Variants in APEH observed in about 807,000 individuals in gnomAD.
APEH encodes the protein acylaminoacyl-peptide hydrolase.
APEH carries 75 observed loss-of-function variants against 102.7 expected under a neutral mutation model. The ratio of observed to expected loss-of-function variants is 0.73; its 90% CI spans 0.61 to 0.89. The LOEUF (loss-of-function observed/expected upper bound fraction) is 0.89. Among genes scored for constraint, APEH ranks in the 40% least tolerant of loss-of-function variants. The pLI is 0.00. For missense variants in APEH, 863 were observed against 941.2 expected (o/e 0.92, Z 1.09); for synonymous variants, 344 against 362.7 (o/e 0.95, Z 0.59).
chr3:49,675,141 G>A (rs757061593), intron 2 of APEH, 42 bp from the exon 3 acceptor site: 2 of 1,612,486 alleles, frequency 1.2e-6, no homozygotes, highest in Non-Finnish European at 1.7e-6. Flanking sequence ...GTAGCCAGGA[G>A]TAGCCAAGAC....
rs1191851878 is a variant in APEH at position 49,674,631 on chromosome 3, C to T, written c.145+10C>T. On this transcript the variant is annotated intron_variant, in intron 2 of 21. Transcript: ENST00000296456. ...CGGACGGTGCACACTGGTGTGTGTG[C>T]GAAGGGGAACTGGCTGGCGACGGGG... 1 of 1,586,808 alleles carries T rather than the reference C, an allele frequency of 6.3e-7. No homozygotes were observed. The highest frequency in any genetic ancestry group is 8.5e-7 in the Non-Finnish European group (1 of 1,175,866).
chr3:49,677,079 G>A (rs2053094607), intron 10 of APEH, 55 bp downstream of exon 10: 2 of 1,610,308 alleles, frequency 1.2e-6, no homozygotes, highest in Non-Finnish European at 1.7e-6. Flanking sequence ...TGGGATGGTG[G>A]ATGAGAGCTG....
At position 49,675,929 on chromosome 3, in the gene APEH, G is replaced by T. The variant is rs1456407015; in HGVS notation, c.405G>T (p.Leu135=). The T allele has an allele frequency of 6.2e-7, 1 of 1,614,192 alleles. No homozygotes were observed. The highest frequency in any genetic ancestry group is 1.1e-5 in the South Asian group (1 of 91,082). ...ACCGGAAGCTCAAGAGCTTCAACCT[G>T]TCAGCGCTGGAGAAACATGGGCCTG... ...EKNRKLKSFN[L]SALEKHGPVY... The change falls in exon 5 of 22, where the codon CTG becomes CTT. Residue 135 remains leucine (L), a synonymous_variant. Transcript: ENST00000296456.
At chr3:49,674,797 G>T (rs1371945985) in intron 2 of APEH, among the ~76,000 whole-genome samples, 176 bp downstream of exon 2, 1 of 152,154 alleles carries the variant, frequency 6.6e-6, no homozygotes, top group Non-Finnish European at 1.5e-5. Flanking sequence ...GGGGGAGGGG[G>T]CGTGCGGGGC....
chr3:49,676,336 G>GT (rs2053051203), intron 6 of APEH, 42 bp from the exon 7 acceptor site: 6 of 1,613,756 alleles, frequency 3.7e-6, no homozygotes, highest in Non-Finnish European at 5.1e-6. Context: ...AGCAGAGCAG[G>GT]TCCTATAGAC....
chr3:49,682,155 A>T (rs1406256262), intron 17 of APEH, among the ~76,000 whole-genome samples, 188 bp downstream of exon 17: 1 of 152,214 alleles, frequency 6.6e-6, no homozygotes, highest in Non-Finnish European at 1.5e-5. Context: ...ACAAGGACTA[A>T]CTCGGGACTT....
At position 49,681,919 on chromosome 3, in the gene APEH, A is replaced by G. The variant is rs1444554186; in HGVS notation, c.1555A>G (p.Met519Val). The G allele has an allele frequency of 6.2e-7, 1 of 1,614,146 alleles. No individual in the cohort carries two copies. The highest frequency in any genetic ancestry group is 2.2e-5 in the East Asian group (1 of 44,868). The change falls in exon 17 of 22, where the codon ATG becomes GTG. Residue 519 changes from methionine (M) to valine (V), a missense_variant. Transcript: ENST00000296456. ...CCATTCATCCTTTGTCACTGCCTGG[A>G]TGCTGTTCCCAGCCATGCTTTGCAA... ...GPHSSFVTAWMLFPAMLCKMG... is the reference protein window; with the variant it reads ...GPHSSFVTAWVLFPAMLCKMG...
intron 14 of APEH, 135 bp downstream of exon 14, chr3:49,680,764 C>T (rs2053282029): frequency 1.2e-6 from 1 of 820,516 alleles, no homozygotes; most frequent in Non-Finnish European, 2.0e-6. Context: ...CCCAGCTTGG[C>T]ATGGTCCATG....
At chr3:49,674,348 C>T (rs1462924786), upstream of APEH, 9 of 1,535,894 alleles carry the variant, frequency 5.9e-6, no homozygotes, top group Middle Eastern at 2.2e-4. Flanking sequence ...CCCCGGAAGC[C>T]TCACTTCCGG....
chr3:49,677,702 C>T (rs2053130937), intron 11 of APEH, 69 bp downstream of exon 11: 5 of 1,432,460 alleles, frequency 3.5e-6, no homozygotes, highest in Non-Finnish European at 4.9e-6. Context: ...CTGTTGCATC[C>T]CTGCCCCGTT....
At chr3:49,680,891 G>T (rs888320866) in intron 14 of APEH, among the ~76,000 whole-genome samples, 3 of 152,254 alleles carry the variant, frequency 2.0e-5, no homozygotes, top group African/African-American at 4.8e-5. Flanking sequence ...GCAGAGCCTA[G>T]AAGCTGAGGA....
At chr3:49,681,557 G>A (rs1160409781) in intron 15 of APEH, among the ~76,000 whole-genome samples, 165 bp from the exon 16 acceptor site, 2 of 152,242 alleles carry the variant, frequency 1.3e-5, no homozygotes, top group African/African-American at 4.8e-5. Flanking sequence ...GTTCCCTGAC[G>A]AGGGCAGAAG....
At chr3:49,677,513 A>C in intron 10 of APEH, 60 bp from the exon 11 acceptor site, 1 of 1,462,722 alleles carries the variant, frequency 6.8e-7, no homozygotes, top group Non-Finnish European at 9.6e-7. Context: ...GGCACAGGGC[A>C]CTGTGCCCTA....
In APEH at chr3:49,682,662, C is replaced by G. The variant is rs777316688; in HGVS notation, c.1809C>G (p.Thr603=). 3 of 1,614,062 alleles carry G rather than the reference C, an allele frequency of 1.9e-6. No individual in the cohort carries two copies. The highest frequency in any genetic ancestry group is 2.5e-6 in the Non-Finnish European group (3 of 1,180,032). Residue 603 remains threonine, a synonymous_variant, in exon 19 of 22, where the codon ACC becomes ACG. Coordinates refer to ENST00000296456, the MANE Select transcript of APEH (RefSeq NM_001640.4). ...ACTTGATTGGTCAGTACCCAGAGAC[C>G]TACAGGGCCTGCGTGGCCCGGAACC... ...SCHLIGQYPE[T]YRACVARNPV... is the part of the protein sequence containing the mutation.
chr3:49,677,146 C>T, intron 10 of APEH, 122 bp downstream of exon 10: 1 of 1,400,108 alleles, frequency 7.1e-7, no homozygotes, highest in Non-Finnish European at 9.8e-7. Context: ...GTCCTCAATG[C>T]AGCAGCGGTG....
chr3:49,679,095 A>G lies in APEH; in HGVS notation c.1158+146A>G. 1.5e-6 allele frequency: 1 copy of G among 664,424 alleles called. No individual in the cohort carries two copies. The highest frequency in any genetic ancestry group is 1.9e-5 in the South Asian group (1 of 53,428). The allele number at this position is 664,424 out of a possible 1,614,324, so 41.2% of individuals were successfully genotyped here. ...AACCCTGCCTGCCCATCCTGGACTC[A>G]TTTCTCCTGGAGGGGACTGGCTGCC... On this transcript the variant is annotated intron_variant, in intron 12 of 21. Coordinates refer to ENST00000296456, the MANE Select transcript of APEH (RefSeq NM_001640.4). The surrounding 1 kb of genome is among the most constrained non-coding windows in gnomAD (Gnocchi z 4.3).
Position 49,679,916 on chromosome 3 carries a change from T to C in APEH, c.1210+272T>C, listed in dbSNP as rs1453764963. ...GCCCAGCCTCAGCACGGCCCCCACC[T>C]CTGCTCCTAAAACCCACAAAACTCT... On this transcript the variant is annotated intron_variant, in intron 13 of 21. Coordinates refer to ENST00000296456, the MANE Select transcript of APEH (RefSeq NM_001640.4). This position sits in a 1 kb window ranked among gnomAD's most constrained non-coding sequence, Gnocchi z 4.3. The C allele has an allele frequency of 5.2e-6, 2 of 384,000 alleles. No homozygotes were observed. The highest frequency in any genetic ancestry group is 7.8e-5 in the Admixed American group (2 of 25,756). The allele number at this position is 384,000 out of a possible 1,614,324, so 23.8% of individuals were successfully genotyped here.
chr3:49,680,925 T>C (rs539938201), intron 14 of APEH, among the ~76,000 whole-genome samples, 176 bp from the exon 15 acceptor site: 2 of 152,310 alleles, frequency 1.3e-5, no homozygotes, highest in South Asian at 2.1e-4. Flanking sequence ...CTGTGTGTGA[T>C]TGTATGAGTA....
Position 49,678,932 on chromosome 3 carries a change from G to A in APEH, c.1141G>A (p.Ala381Thr). 1 of 1,613,552 alleles carries A rather than the reference G, an allele frequency of 6.2e-7. No homozygotes were observed. Among genetic ancestry groups the A allele is most frequent in the Non-Finnish European group, 8.5e-7 (1 of 1,179,822 alleles). The stretch of plus-strand genomic sequence containing the variant: ...CAGCCAGAGAGTGGTCTTTGACTCG[G>A]CTCAGCGCAGCCGGCAGGTGAGGGA... ...ADSQRVVFDS[A>T]QRSRQDLFAV... is the part of the protein sequence containing the mutation. Residue 381 changes from alanine to threonine, a missense_variant, in exon 12 of 22, where the codon GCT becomes ACT. Transcript: ENST00000296456.
Sources: gnomAD v4.1 joint callset for allele counts (sites outside exome capture counted in the v4.1 genomes callset) on GRCh38, gnomAD v4.1.1 for gene constraint, Gnocchi (gnomAD v3.1) non-coding constraint, MANE v1.5 for transcripts, NCBI Gene and HGNC (gene_info 2026-07-23, HGNC 2026-07-21) for gene names.